The following USP46 variants were observed in gnomAD, a reference collection of about 807,000 sequenced individuals.
USP46 encodes ubiquitin specific peptidase 46, also known as ubiquitin carboxyl-terminal hydrolase 46.
In USP46, 12 loss-of-function variants were observed where a neutral mutation model predicts 44.4. The observed-to-expected ratio is 0.27, with a 90% CI of 0.17 to 0.44. The LOEUF is 0.44. USP46 is among the 20% of genes least tolerant of loss of function. The pLI is 1.00. For missense variants in USP46, 248 were observed against 444.8 expected (o/e 0.56, Z 3.98); for synonymous variants, 155 against 161.5 (o/e 0.96, Z 0.31).
rs143828773 is a variant in USP46 at position 52,643,975 on chromosome 4, G to A, written c.37-12831C>T. Among the ~76,000 whole-genome samples the A allele has an allele frequency of 5.4e-3, 819 of 152,272 alleles. 5 individuals carry two copies. Among genetic ancestry groups the A allele is most frequent in the Admixed American group, 8.4e-3 (128 of 15,298 alleles). On this transcript the variant is annotated intron_variant, in intron 1 of 8. Coordinates refer to ENST00000441222, the MANE Select transcript of USP46 (RefSeq NM_022832.4). ...ATGTAAGGCTTGGGCAGCCAGCCAG[G>A]AACTGTCTCTGAGTATGTCCACTTT... is the stretch of plus-strand genomic sequence containing the variant.
chr4:52,592,696 G>A lies in USP46; in HGVS notation c.*4944C>T, dbSNP rs948503303. ...TCTACTGAAAATACAAAAATTACCCGGGTATAGTGGCACATGCCTGTAGTC... is the reference window on the plus strand; with the variant it reads ...TCTACTGAAAATACAAAAATTACCCAGGTATAGTGGCACATGCCTGTAGTC... On this transcript the variant is annotated 3_prime_UTR_variant, in exon 9 of 9. Coordinates refer to ENST00000441222, the MANE Select transcript of USP46 (RefSeq NM_022832.4). The A allele has an allele frequency of 5.1e-5, 20 of 390,272 alleles. No homozygotes were observed. Among genetic ancestry groups the A allele is most frequent in the South Asian group, 2.9e-4 (2 of 6,934 alleles). 24.2% of individuals were successfully genotyped at this position (390,272 alleles called of 1,614,324 possible). A position where few individuals can be genotyped will look rare whatever the true frequency, so the allele number is the denominator to read the frequency against.
chr4:52,621,785 T>C (rs1039377883), intron 4 of USP46, among the ~76,000 whole-genome samples: 1 of 152,150 alleles, frequency 6.6e-6, no homozygotes, highest in Non-Finnish European at 1.5e-5. Context: ...CCCAAAAGGA[T>C]ACCCCAGAGA....
intron 1 of USP46, among the ~76,000 whole-genome samples, chr4:52,657,934 G>C (rs1318090649): frequency 1.3e-5 from 2 of 152,024 alleles, no homozygotes; most frequent in Admixed American, 1.3e-4. Context: ...CAGAATGTGG[G>C]ACAGAAGATT....
chr4:52,601,492 C>T (rs1716470914), intron 7 of USP46, among the ~76,000 whole-genome samples: 1 of 152,310 alleles, frequency 6.6e-6, no homozygotes, highest in East Asian at 1.9e-4. Flanking sequence ...TTTATTTACA[C>T]ATCTTAAAAT....
Position 52,604,486 on chromosome 4 carries a change from T to G in USP46, c.722+15A>C. On this transcript the variant is annotated intron_variant, in intron 6 of 8. Coordinates refer to ENST00000441222, the MANE Select transcript of USP46 (RefSeq NM_022832.4). ...TCACCACACAAAGATAACCCTGAGC[T>G]AAATCTTTACCTACCTTTTCTGGGC... The G allele has an allele frequency of 6.2e-7, 1 of 1,607,014 alleles. No individual in the cohort carries two copies. The highest frequency in any genetic ancestry group is 8.5e-7 in the Non-Finnish European group (1 of 1,175,516).
At position 52,630,435 on chromosome 4, in the gene USP46, C is replaced by T. The variant is rs1399145578; in HGVS notation, c.117+629G>A. Among the ~76,000 whole-genome samples the T allele has an allele frequency of 2.0e-5, 3 of 152,200 alleles. No homozygotes were observed. In the East Asian group the frequency reaches 5.8e-4, roughly 29 times the overall value. On this transcript the variant is annotated intron_variant, in intron 2 of 8. Transcript: ENST00000441222. ...AACAAAGACTGGCTGAACAGTTCAT[C>T]CAAATGACACAGGCAGAACATATAA...
intron 1 of USP46, among the ~76,000 whole-genome samples, chr4:52,638,746 C>A (rs897020061): frequency 1.3e-4 from 20 of 151,790 alleles, no homozygotes; most frequent in African/African-American, 4.4e-4. Flanking sequence ...CACATAGTAG[C>A]CCCACAATAC....
intron 4 of USP46, among the ~76,000 whole-genome samples, chr4:52,623,605 A>C (rs1717464458): frequency 6.6e-6 from 1 of 152,198 alleles, no homozygotes; most frequent in South Asian, 2.1e-4. Context: ...GAGAAAAATG[A>C]ATATAAAATA....
At chr4:52,632,502 G>C (rs10517263) in intron 1 of USP46, among the ~76,000 whole-genome samples, 20,483 of 152,070 alleles carry the variant, frequency 0.13, 1,437 homozygotes, top group African/African-American at 0.19. Context: ...CAAGACTTAA[G>C]AGACAGGTAT....
Position 52,635,887 on chromosome 4 carries a change from G to C in USP46, c.37-4743C>G, listed in dbSNP as rs116494570. On this transcript the variant is annotated intron_variant, in intron 1 of 8. Coordinates refer to ENST00000441222, the MANE Select transcript of USP46 (RefSeq NM_022832.4). ...AGCTGGTGGTGAGGTGGGGAGAAGT[G>C]GGGGTGGAGGATAAAGCTGTGTTGT... 1.2e-3 allele frequency among the ~76,000 whole-genome samples: 178 copies of C among 152,178 alleles called. 3 individuals carry two copies. Among genetic ancestry groups the C allele is most frequent in the Admixed American group, 1.4e-3 (21 of 15,278 alleles).
At chr4:52,613,246 T>C (rs1180837608) in intron 4 of USP46, among the ~76,000 whole-genome samples, 1 of 152,022 alleles carries the variant, frequency 6.6e-6, no homozygotes, top group African/African-American at 2.4e-5. Flanking sequence ...TCTCCAACTC[T>C]CCCCACATGT....
intron 4 of USP46, among the ~76,000 whole-genome samples, chr4:52,618,364 C>T (rs1283895595): frequency 1.3e-5 from 2 of 152,090 alleles, no homozygotes; most frequent in African/African-American, 4.8e-5. Flanking sequence ...GTGGCAGGAG[C>T]CTATAATTCC....
chr4:52,632,956 G>T (rs964216861), intron 1 of USP46, among the ~76,000 whole-genome samples: 4 of 71,650 alleles, frequency 5.6e-5, no homozygotes, highest in Non-Finnish European at 1.1e-4. Flanking sequence ...AAGAAAGAAA[G>T]AAAGAAAGAA....
rs529367518 is a variant in USP46, at chr4:52,599,946, C to G, written c.921-1240G>C. ...GAGATAATCCTCCCCCAACTGCATT[C>G]TATTTAGCCCTGTGCTCAAATGTCA... On this transcript the variant is annotated intron_variant, in intron 7 of 8. Transcript: ENST00000441222. Among the ~76,000 whole-genome samples the G allele has an allele frequency of 2.6e-3, 397 of 152,260 alleles. 3 individuals are homozygous for G. The highest frequency in any genetic ancestry group is 0.014 in the Middle Eastern group (4 of 294).
intron 4 of USP46, among the ~76,000 whole-genome samples, chr4:52,615,383 A>G (rs1717093880): frequency 6.6e-6 from 1 of 152,352 alleles, no homozygotes; most frequent in East Asian, 1.9e-4. Context: ...TAGAGGGCTA[A>G]TATCAGATAA....
chr4:52,644,007 T>C (rs1051888275), intron 1 of USP46, among the ~76,000 whole-genome samples: 1 of 152,226 alleles, frequency 6.6e-6, no homozygotes, highest in African/African-American at 2.4e-5. Flanking sequence ...CTTTGGCTGC[T>C]GGCTGTCACA....
In USP46 at chr4:52,659,083, G is replaced by A. The variant is rs1719071935; in HGVS notation, c.36+32C>T. On this transcript the variant is annotated intron_variant, in intron 1 of 8. Coordinates refer to ENST00000441222, the MANE Select transcript of USP46 (RefSeq NM_022832.4). The surrounding 1 kb of genome is among the most constrained non-coding windows in gnomAD (Gnocchi z 4.2). ...CCCTTTCTTTGCCTCGCCGCGAGTCGGGCGCGACCCCGAGGCGGCTCGGCC... is the reference window on the plus strand; with the variant it reads ...CCCTTTCTTTGCCTCGCCGCGAGTCAGGCGCGACCCCGAGGCGGCTCGGCC... The A allele has an allele frequency of 3.9e-6, 6 of 1,548,586 alleles. No individual in the cohort carries two copies. The highest frequency in any genetic ancestry group is 2.6e-6 in the Non-Finnish European group (3 of 1,149,450).
intron 5 of USP46, among the ~76,000 whole-genome samples, chr4:52,608,744 A>T (rs997946100): frequency 6.6e-6 from 1 of 152,212 alleles, no homozygotes; most frequent in African/African-American, 2.4e-5. Flanking sequence ...GGTGATTCCA[A>T]TGTGCTGCCA....
chr4:52,626,582 C>A (rs926627754), intron 3 of USP46, among the ~76,000 whole-genome samples: 2 of 152,100 alleles, frequency 1.3e-5, no homozygotes, highest in African/African-American at 4.8e-5. Context: ...CCTGGCCTCC[C>A]AAAGTGCCGG....
Sources: gnomAD v4.1 joint callset for allele counts (sites outside exome capture counted in the v4.1 genomes callset) on GRCh38, gnomAD v4.1.1 for gene constraint, Gnocchi (gnomAD v3.1) non-coding constraint, MANE v1.5 for transcripts, NCBI Gene and HGNC (gene_info 2026-07-23, HGNC 2026-07-21) for gene names.